MEI4: variants seen among roughly 807,000 people sequenced by gnomAD.
The protein encoded by MEI4 is meiotic double-stranded break formation protein 4.
Under a neutral mutation model 31.4 loss-of-function variants are expected in MEI4, and 27 were observed. That is an observed-to-expected ratio of 0.86 (90% CI 0.63 to 1.19). The LOEUF (loss-of-function observed/expected upper bound fraction) is 1.19, where lower values mean the gene tolerates loss of function less well. Ranked by LOEUF, MEI4 falls within the 50% of genes most tolerant of loss-of-function variation. The pLI is 0.00. For missense variants in MEI4, 329 were observed against 398.9 expected, an observed-to-expected ratio of 0.82 and a Z score of 1.49; for synonymous variants, 122 against 145.4, an observed-to-expected ratio of 0.84 and a Z score of 1.16.
intron 2 of MEI4, among the ~76,000 whole-genome samples, chr6:77,747,101 C>T (rs570592700): frequency 1.3e-5 from 2 of 152,064 alleles, no homozygotes; most frequent in African/African-American, 4.8e-5. Context: ...CACCTGATAT[C>T]AGGAGTTCAA....
At chr6:77,837,170 C>T (rs1207968880) in intron 4 of MEI4, among the ~76,000 whole-genome samples, 2 of 152,016 alleles carry the variant, frequency 1.3e-5, no homozygotes, top group Non-Finnish European at 2.9e-5. Flanking sequence ...GGGCATTTGC[C>T]ACTTATAGGC....
Position 77,687,611 on chromosome 6 carries a change from T to C in MEI4, c.-14-3047T>C, listed in dbSNP as rs73762812. On this transcript the variant is annotated intron_variant, in intron 1 of 4. Coordinates refer to ENST00000684080, the MANE Select transcript of MEI4 (RefSeq NM_001322247.2). Reference sequence around the variant, plus strand: ...GGTTACTTGCACTCTGTCTGACTTATTCAGAGGTTCTCACAACCCTTCTAG... The same window carrying C: ...GGTTACTTGCACTCTGTCTGACTTACTCAGAGGTTCTCACAACCCTTCTAG... Among the ~76,000 whole-genome samples, 1,344 of 152,238 alleles carry C rather than the reference T, an allele frequency of 8.8e-3. 28 individuals are homozygous for C. The highest frequency in any genetic ancestry group is 0.031 in the African/African-American group (1,276 of 41,538).
intron 1 of MEI4, among the ~76,000 whole-genome samples, chr6:77,670,999 G>C (rs992558630): frequency 8.0e-5 from 12 of 149,822 alleles, no homozygotes; most frequent in African/African-American, 2.7e-4. Flanking sequence ...GCACAATAAA[G>C]TGCTTTTCCT....
intron 3 of MEI4, among the ~76,000 whole-genome samples, chr6:77,777,629 C>A (rs1296278131): frequency 6.6e-6 from 1 of 152,142 alleles, no homozygotes; most frequent in Non-Finnish European, 1.5e-5. Flanking sequence ...GCACAAGCCT[C>A]ACCCACGAAC....
In MEI4 at chr6:77,761,230, A is replaced by G. The variant is rs1232812668; in HGVS notation, c.333A>G (p.Arg111=). 5 of 1,232,408 alleles carry G rather than the reference A, an allele frequency of 4.1e-6. 1 individual carries two copies. The African/African-American group carries it at 7.8e-5, about 19-fold the overall frequency. The allele number at this position is 1,232,408 out of a possible 1,614,324, so 76.3% of individuals were successfully genotyped here. A position where few individuals can be genotyped will look rare whatever the true frequency, so the allele number is the denominator to read the frequency against. ...GATGTGATTTGTCGAATGAGCAGAG[A>G]ACTGAATCCTCAGACCTGTCCCAGC... ...DSGCDLSNEQ[R]TESSDLSQHF... Residue 111 remains arginine, a synonymous_variant, in exon 3 of 5, where the codon AGA becomes AGG. Transcript: ENST00000684080.
chr6:77,665,616 C>T (rs555319501), intron 1 of MEI4, among the ~76,000 whole-genome samples: 7 of 152,180 alleles, frequency 4.6e-5, no homozygotes, highest in African/African-American at 7.2e-5. Context: ...ACCTTTGAAA[C>T]GTGGGTGAAT....
At position 77,923,827 on chromosome 6, in the gene MEI4, C is replaced by T. The variant is rs1766774050; in HGVS notation, c.*481C>T. On this transcript the variant is annotated 3_prime_UTR_variant, in exon 5 of 5. Coordinates refer to ENST00000684080, the MANE Select transcript of MEI4 (RefSeq NM_001322247.2). ...TTACATAGTTGAACTTATATCATTG[C>T]TTTCACCTTAGACGAGAATCATATA... The T allele has an allele frequency of 6.6e-6, 1 of 151,750 alleles. No homozygotes were observed. The highest frequency in any genetic ancestry group is 2.4e-5 in the African/African-American group (1 of 41,388). 9.4% of individuals were successfully genotyped at this position (151,750 alleles called of 1,614,324 possible).
At chr6:77,788,968 A>G (rs1445919743) in intron 3 of MEI4, among the ~76,000 whole-genome samples, 7 of 152,222 alleles carry the variant, frequency 4.6e-5, no homozygotes, top group African/African-American at 1.7e-4. Flanking sequence ...CCAAAAGAAC[A>G]AAGCTGGAGG....
At chr6:77,686,275 A>G (rs999391926) in intron 1 of MEI4, among the ~76,000 whole-genome samples, 2 of 152,182 alleles carry the variant, frequency 1.3e-5, no homozygotes, top group African/African-American at 4.8e-5. Flanking sequence ...TAGTGCATAT[A>G]GAAAAGTATA....
chr6:77,737,575 A>C (rs546425667), intron 2 of MEI4, among the ~76,000 whole-genome samples: 1 of 152,180 alleles, frequency 6.6e-6, no homozygotes, highest in East Asian at 1.9e-4. Flanking sequence ...GATATGATAG[A>C]AATTAGGAGA....
chr6:77,836,533 C>G (rs1475217347), intron 4 of MEI4, among the ~76,000 whole-genome samples: 1 of 151,988 alleles, frequency 6.6e-6, no homozygotes, highest in Non-Finnish European at 1.5e-5. Context: ...AAAATAAAAG[C>G]TAAGCAATTC....
chr6:77,868,921 C>T (rs923104950), intron 4 of MEI4, among the ~76,000 whole-genome samples: 8 of 152,062 alleles, frequency 5.3e-5, no homozygotes, highest in African/African-American at 1.7e-4. Context: ...ACTAGAAGAA[C>T]AGCACCCATG....
At chr6:77,672,380 TA>T (rs1280866937) in intron 1 of MEI4, among the ~76,000 whole-genome samples, 1 of 152,244 alleles carries the variant, frequency 6.6e-6, no homozygotes, top group Non-Finnish European at 1.5e-5. Context: ...GCTGCTTATT[TA>T]AAATTATTTT....
chr6:77,726,936 C>G (rs1187288677), intron 2 of MEI4, among the ~76,000 whole-genome samples: 1 of 152,082 alleles, frequency 6.6e-6, no homozygotes, highest in Non-Finnish European at 1.5e-5. Flanking sequence ...ACGTTTTATC[C>G]AACAATGATG....
chr6:77,694,979 A>G (rs1359369872), intron 2 of MEI4, among the ~76,000 whole-genome samples: 3 of 151,428 alleles, frequency 2.0e-5, no homozygotes, highest in Non-Finnish European at 1.5e-5. Context: ...ATGGTATCTC[A>G]TTGTGGTTTT....
At chr6:77,744,975 A>C (rs1175628219) in intron 2 of MEI4, among the ~76,000 whole-genome samples, 2 of 152,228 alleles carry the variant, frequency 1.3e-5, no homozygotes, top group Non-Finnish European at 1.5e-5. Context: ...GGAAGCACTA[A>C]ACATGGAAAG....
chr6:77,664,181 T>G (rs1230070689), intron 1 of MEI4, among the ~76,000 whole-genome samples: 1 of 152,228 alleles, frequency 6.6e-6, no homozygotes, highest in Non-Finnish European at 1.5e-5. Flanking sequence ...CGAGGTTAAT[T>G]AAATCCTGTT....
chr6:77,808,841 G>A (rs9343670), intron 3 of MEI4, among the ~76,000 whole-genome samples: 25,572 of 152,090 alleles, frequency 0.17, 2,679 homozygotes, highest in East Asian at 0.39. Context: ...GATTCCTGGA[G>A]CTAGAATGGT....
intron 1 of MEI4, among the ~76,000 whole-genome samples, chr6:77,678,139 A>G (rs1768878916): frequency 6.6e-6 from 1 of 152,202 alleles, no homozygotes; most frequent in South Asian, 2.1e-4. Context: ...AAATAGATTT[A>G]TGCTATTATC....
Sources: allele counts gnomAD v4.1 joint callset (sites outside exome capture counted in the v4.1 genomes callset), GRCh38; gene constraint gnomAD v4.1.1; transcripts MANE v1.5; gene names NCBI Gene and HGNC (gene_info 2026-07-23, HGNC 2026-07-21).